Variants in EEIG1 observed in about 807,000 individuals in gnomAD.
EEIG1 encodes the protein estrogen-induced osteoclastogenesis regulator 1.
the EEIG1 span, among the ~76,000 whole-genome samples, chr9:127,975,834 A>G: frequency 6.6e-6 from 1 of 152,074 alleles, no homozygotes; most frequent in Admixed American, 6.5e-5. Context: ...TGCCTTGGAC[A>G]GGATGGCAGC....
chr9:127,950,873 G>A, the EEIG1 span, among the ~76,000 whole-genome samples: 2 of 152,232 alleles, frequency 1.3e-5, no homozygotes, highest in Admixed American at 6.5e-5. Context: ...AAACAAGGCC[G>A]TGCTGTCGGG....
chr9:127,947,913 C>G, the EEIG1 span, among the ~76,000 whole-genome samples: 14 of 152,116 alleles, frequency 9.2e-5, no homozygotes, highest in Non-Finnish European at 1.5e-5. Flanking sequence ...CCAGCACGCA[C>G]AAGGTGATCA....
At chr9:127,943,381 G>A in the EEIG1 span, 2 of 739,798 alleles carry the variant, frequency 2.7e-6, no homozygotes, top group East Asian at 2.6e-5. Context: ...GTGCCCCAGC[G>A]ATGGTAAGTC....
At chr9:127,964,611 G>A in the EEIG1 span, among the ~76,000 whole-genome samples, 1 of 152,194 alleles carries the variant, frequency 6.6e-6, no homozygotes, top group Admixed American at 6.5e-5. Flanking sequence ...GGTATCACTG[G>A]GGCAGTCCAA....
At chr9:127,947,800 T>C in the EEIG1 span, among the ~76,000 whole-genome samples, 4 of 152,324 alleles carry the variant, frequency 2.6e-5, no homozygotes, top group African/African-American at 7.2e-5. Context: ...TATGGCTTGA[T>C]TGAGGCCTGT....
At chr9:127,950,737 G>A in the EEIG1 span, 2 of 1,390,884 alleles carry the variant, frequency 1.4e-6, no homozygotes, top group Non-Finnish European at 9.3e-7. Context: ...ACATGGCAAA[G>A]CCAGGAACTC....
the EEIG1 span, chr9:127,943,369 C>T: frequency 1.2e-6 from 1 of 832,756 alleles, no homozygotes; most frequent in South Asian, 1.4e-5. Flanking sequence ...GGGGCTAAAA[C>T]CGTGCCCCAG....
At chr9:127,953,253 C>CT in the EEIG1 span, 2 of 375,002 alleles carry the variant, frequency 5.3e-6, no homozygotes, top group African/African-American at 2.1e-5. Context: ...GGTATATTTC[C>CT]TTTTTTTCTT....
At chr9:127,955,693 T>C in the EEIG1 span, among the ~76,000 whole-genome samples, 4 of 152,140 alleles carry the variant, frequency 2.6e-5, no homozygotes, top group African/African-American at 9.7e-5. Flanking sequence ...AGGAGACAGT[T>C]CCAAAGAGAG....
chr9:127,963,624 CAGG>C, the EEIG1 span: 3 of 152,436 alleles, frequency 2.0e-5, no homozygotes, highest in East Asian at 3.9e-4. Context: ...CAGAACTCTC[CAGG>C]AGCTCTCCCA....
the EEIG1 span, among the ~76,000 whole-genome samples, chr9:127,970,626 A>G: frequency 1.3e-5 from 2 of 152,172 alleles, no homozygotes; most frequent in Non-Finnish European, 2.9e-5. Context: ...AGTCCCAAGC[A>G]ATCAACCCCA....
At chr9:127,961,652 A>T in the EEIG1 span, among the ~76,000 whole-genome samples, 1 of 152,194 alleles carries the variant, frequency 6.6e-6, no homozygotes, top group Non-Finnish European at 1.5e-5. Context: ...TGCAACAGAG[A>T]AAAAGGAACC....
At chr9:127,956,732 T>A in the EEIG1 span, among the ~76,000 whole-genome samples, 13,501 of 149,506 alleles carry the variant, frequency 0.09, 625 homozygotes, top group Middle Eastern at 0.1. Context: ...TATTATTATT[T>A]GAGACAGAGT....
chr9:127,955,003 G>A, the EEIG1 span, among the ~76,000 whole-genome samples: 3 of 152,176 alleles, frequency 2.0e-5, no homozygotes, highest in Admixed American at 6.5e-5. Flanking sequence ...TGGCAGAACC[G>A]AGCTCTGCAT....
the EEIG1 span, among the ~76,000 whole-genome samples, chr9:127,964,608 C>A: frequency 6.6e-6 from 1 of 152,248 alleles, no homozygotes; most frequent in African/African-American, 2.4e-5. Context: ...CCGGGTATCA[C>A]TGGGGCAGTC....
At chr9:127,958,997 T>C in the EEIG1 span, among the ~76,000 whole-genome samples, 2 of 152,196 alleles carry the variant, frequency 1.3e-5, no homozygotes, top group Non-Finnish European at 2.9e-5. Flanking sequence ...CCCACTAGGA[T>C]GGCTAGAATC....
At chr9:127,954,141 A>C in the EEIG1 span, among the ~76,000 whole-genome samples, 1 of 152,258 alleles carries the variant, frequency 6.6e-6, no homozygotes, top group East Asian at 1.9e-4. Context: ...TGAGACAAAC[A>C]CAAGGCAGGG....
chr9:127,946,143 T>C, the EEIG1 span, among the ~76,000 whole-genome samples: 1 of 152,160 alleles, frequency 6.6e-6, no homozygotes, highest in Non-Finnish European at 1.5e-5. Flanking sequence ...CCAGGACACA[T>C]TGCTGGAGGG....
the EEIG1 span, among the ~76,000 whole-genome samples, chr9:127,949,190 T>A: frequency 2.6e-5 from 4 of 151,716 alleles, no homozygotes; most frequent in East Asian, 5.8e-4. Flanking sequence ...GGCGGGCACC[T>A]GTAGTCCCAG....
Sources: gnomAD v4.1 joint callset for allele counts (sites outside exome capture counted in the v4.1 genomes callset) on GRCh38, gnomAD v4.1.1 for gene constraint, MANE v1.5 for transcripts, NCBI Gene and HGNC (gene_info 2026-07-23, HGNC 2026-07-21) for gene names.